Variants in DMD observed in about 807,000 individuals in gnomAD.
DMD encodes mutant dystrophin.
DMD carries 63 observed loss-of-function variants against 330.1 expected under a neutral mutation model. The observed-to-expected ratio is 0.19, with a 90% CI of 0.16 to 0.24. DMD has a LOEUF of 0.24. DMD is among the 10% of genes least tolerant of loss of function. The pLI is 1.00. For missense variants in DMD, 3,344 were observed against 2,684.1 expected (o/e 1.25, Z -5.43); for synonymous variants, 1,223 against 959.8 (o/e 1.27, Z -5.07).
At chrX:32,231,000 C>A (rs1239166329) in intron 43 of DMD, among the ~76,000 whole-genome samples, 1 of 111,852 alleles carries the variant, frequency 8.9e-6, no homozygotes, top group Non-Finnish European at 1.9e-5. Flanking sequence ...TTATACATTT[C>A]CTCATTGGCA....
At chrX:31,370,609 C>T (rs1003606421) in intron 60 of DMD, among the ~76,000 whole-genome samples, 5 of 112,500 alleles carry the variant, frequency 4.4e-5, no homozygotes, top group South Asian at 7.3e-4. Context: ...ATAGTACAGA[C>T]GCTTCGGAAA....
chrX:31,762,329 G>C (rs112953284), intron 51 of DMD, among the ~76,000 whole-genome samples: 13,573 of 105,174 alleles, frequency 0.13, 616 homozygotes, highest in East Asian at 0.22. Context: ...CCACCACTTT[G>C]GGAGGCTGAG....
chrX:31,712,816 G>C (rs183570580), intron 52 of DMD, among the ~76,000 whole-genome samples: 1 of 111,525 alleles, frequency 9.0e-6, no homozygotes, highest in East Asian at 2.8e-4. Context: ...GAAAATATGG[G>C]TAAGTTTCAT....
chrX:31,785,702 T>C (rs752443156), intron 50 of DMD, among the ~76,000 whole-genome samples: 144 of 110,706 alleles, frequency 1.3e-3, no homozygotes, highest in African/African-American at 4.7e-3. Flanking sequence ...CATGCGGTGT[T>C]TGGTTTTCTG....
chrX:32,454,079 A>C (rs2098344828), intron 26 of DMD, among the ~76,000 whole-genome samples: 1 of 110,693 alleles, frequency 9.0e-6, no homozygotes, highest in African/African-American at 3.3e-5. Context: ...GCCACTATGT[A>C]GGTTCAAGTC....
intron 16 of DMD, among the ~76,000 whole-genome samples, chrX:32,557,232 C>G (rs1241887501): frequency 2.7e-5 from 3 of 111,732 alleles, no homozygotes; most frequent in Non-Finnish European, 5.7e-5. Context: ...CAACTCTTAT[C>G]AGCTATGCTC....
At chrX:31,138,710 T>A (rs2035651208) in intron 76 of DMD, among the ~76,000 whole-genome samples, 1 of 100,954 alleles carries the variant, frequency 9.9e-6, no homozygotes, top group South Asian at 4.8e-4. Context: ...CCACACACTT[T>A]AAAAACCATC....
rs768006906 is a variant in DMD, at chrX:31,655,375, G to A, written c.8027+2615C>T. 3.6e-5 allele frequency among the ~76,000 whole-genome samples: 4 copies of A among 110,698 alleles called. No homozygotes were observed. The East Asian group carries it at 8.5e-4, about 24-fold the overall frequency. ...AGAGATGGAAGGGAATTTGCCTCACGATGAATTGTGCCTTGAGTCTCACCC... is the reference window on the plus strand; with the variant it reads ...AGAGATGGAAGGGAATTTGCCTCACAATGAATTGTGCCTTGAGTCTCACCC... On this transcript the variant is annotated intron_variant, in intron 54 of 78. Coordinates refer to ENST00000357033, the MANE Select transcript of DMD (RefSeq NM_004006.3).
At chrX:32,731,065 G>A (rs1025375096) in intron 7 of DMD, among the ~76,000 whole-genome samples, 81 of 111,510 alleles carry the variant, frequency 7.3e-4, no homozygotes, top group African/African-American at 2.4e-3. Flanking sequence ...CACCGTGCGC[G>A]ACCCGAAGCA....
At chrX:32,509,118 A>G (rs1402578092) in intron 18 of DMD, among the ~76,000 whole-genome samples, 1 of 108,246 alleles carries the variant, frequency 9.2e-6, no homozygotes, top group Non-Finnish European at 1.9e-5. Flanking sequence ...CCACGGAAAC[A>G]TTTTTGACAC....
In DMD at chrX:31,169,443, C is replaced by T; in HGVS notation, c.10553G>A (p.Arg3518Lys). ...RILADLEEENRNLQAEYDRLK... is the reference protein window; with the variant it reads ...RILADLEEENKNLQAEYDRLK... ...TGACAAAGCTAGAAAGAAAACTCAC[C>T]TGTTTTCTTCCTCAAGATCTGCTAG... Residue 3518 changes from arginine (R) to lysine (K), a missense_variant and splice_region_variant, in exon 74 of 79, where the codon AGG becomes AAG. Arg to Lys is a conservative substitution (Grantham distance 26). Transcript: ENST00000357033. The T allele has an allele frequency of 2.5e-6, 3 of 1,199,595 alleles. No homozygotes were observed. The highest frequency in any genetic ancestry group is 3.4e-6 in the Non-Finnish European group (3 of 885,663).
At chrX:31,196,542 C>T (rs1435149900) in intron 67 of DMD, among the ~76,000 whole-genome samples, 1 of 110,202 alleles carries the variant, frequency 9.1e-6, no homozygotes, top group Non-Finnish European at 1.9e-5. Flanking sequence ...AAAATGGAAT[C>T]GGCCAGGTGT....
intron 22 of DMD, among the ~76,000 whole-genome samples, chrX:32,471,761 C>T (rs1346710914): frequency 9.0e-6 from 1 of 111,609 alleles, no homozygotes; most frequent in East Asian, 2.8e-4. Flanking sequence ...TTCCTGGAAC[C>T]ACTTCCCCAT....
At chrX:33,313,814 G>A (rs1264508185) in intron 1 of DMD, among the ~76,000 whole-genome samples, 2 of 111,424 alleles carry the variant, frequency 1.8e-5, no homozygotes, top group African/African-American at 6.5e-5. Context: ...AATAACAAGT[G>A]TCACTTTGTA....
At chrX:32,353,834 T>C (rs1440399998) in intron 37 of DMD, among the ~76,000 whole-genome samples, 1 of 110,871 alleles carries the variant, frequency 9.0e-6, no homozygotes, top group African/African-American at 3.3e-5. Context: ...CAACACTTTG[T>C]TTTCCTTGAT....
chrX:33,281,492 A>C lies in DMD; in HGVS notation c.7+57767T>G, dbSNP rs1172059307. ...CCAAAGTGCTGGGATTACGGGCATG[A>C]GCCACTGCGCCTGGCCTGACTTCTA... On this transcript the variant is annotated intron_variant, in intron 1 of 17. Coordinates refer to the DMD transcript ENST00000288447. Among the ~76,000 whole-genome samples the C allele has an allele frequency of 2.7e-5, 3 of 111,955 alleles. No homozygotes were observed. In the Admixed American group the frequency reaches 2.8e-4, roughly 11 times the overall value.
At chrX:32,731,922 G>C (rs1569496550) in intron 7 of DMD, among the ~76,000 whole-genome samples, 1 of 112,306 alleles carries the variant, frequency 8.9e-6, no homozygotes, top group Admixed American at 9.4e-5. Context: ...GGATGACTTT[G>C]ACGAGCTGAG....
intron 44 of DMD, among the ~76,000 whole-genome samples, chrX:32,164,573 A>C (rs1274402764): frequency 1.8e-5 from 2 of 112,217 alleles, no homozygotes; most frequent in Middle Eastern, 4.6e-3. Flanking sequence ...GTCACAGAGC[A>C]TAAAAGTTTG....
chrX:32,616,924 C>T (rs1206430992), intron 11 of DMD, among the ~76,000 whole-genome samples: 1 of 109,203 alleles, frequency 9.2e-6, no homozygotes, highest in South Asian at 3.9e-4. Flanking sequence ...GACTTCTGTT[C>T]CTTATCTGTG....
Sources: allele counts gnomAD v4.1 joint callset (sites outside exome capture counted in the v4.1 genomes callset), GRCh38; gene constraint gnomAD v4.1.1; transcripts MANE v1.5; gene names NCBI Gene and HGNC (gene_info 2026-07-23, HGNC 2026-07-21).